Variants in CCNJL observed in about 807,000 individuals in gnomAD.
CCNJL encodes the protein cyclin-J-like protein.
Under a neutral mutation model 33.4 loss-of-function variants are expected in CCNJL, and 33 were observed. The ratio of observed to expected loss-of-function variants is 0.99; its 90% CI spans 0.75 to 1.32. The LOEUF (loss-of-function observed/expected upper bound fraction) is 1.32. CCNJL is among the 40% of genes most tolerant of loss of function. The pLI, the probability that CCNJL is intolerant of heterozygous loss-of-function variation, is 0.00. For missense variants in CCNJL, 512 were observed against 499.7 expected (o/e 1.02, Z -0.23); for synonymous variants, 227 against 220.9 (o/e 1.03, Z -0.24).
In CCNJL at chr5:160,253,785, C is replaced by T. The variant is rs776850524; in HGVS notation, c.757G>A (p.Val253Ile). 8 of 1,515,416 alleles carry T rather than the reference C, an allele frequency of 5.3e-6. No individual in the cohort carries two copies. In the East Asian group the frequency reaches 9.1e-5, roughly 17 times the overall value. The allele number at this position is 1,515,416 out of a possible 1,614,324, so 93.9% of individuals were successfully genotyped here. The stretch of plus-strand genomic sequence containing the variant: ...TTGACGGCTACGGCATCCTTGAGGA[C>T]GTTGTCATACACTCTGAAACGAGAA... ...IEILLVVYDN[V>I]LKDAVAVKSQ... The change falls in exon 6 of 6, where the codon GTC (valine) becomes ATC (isoleucine). Residue 253 changes from valine (V) to isoleucine (I), a missense_variant. Physicochemically the swap from Val to Ile is conservative, Grantham distance 29 (BLOSUM62 3). Coordinates refer to ENST00000257536, the MANE Select transcript of CCNJL (RefSeq NM_001308173.3).
chr5:160,319,004 G>T (rs2113470212), intron 1 of CCNJL, among the ~76,000 whole-genome samples: 1 of 152,286 alleles, frequency 6.6e-6, no homozygotes, highest in Non-Finnish European at 1.5e-5. Flanking sequence ...CAAGTTGAGA[G>T]AGGGCTCCGT....
At chr5:160,321,062 CTTTCTTTCTTTCTTTCTTTCTT>C (rs1264030655) in intron 1 of CCNJL, among the ~76,000 whole-genome samples, 1 of 121,372 alleles carries the variant, frequency 8.2e-6, no homozygotes, top group Non-Finnish European at 1.6e-5. Flanking sequence ...TTCTTTCTTT[CTTTCTTTCTTTCTTTCTTTCTT>C]TCTTTCCTTC....
chr5:160,328,537 G>A (rs564168794), intron 1 of CCNJL, among the ~76,000 whole-genome samples: 2 of 151,522 alleles, frequency 1.3e-5, no homozygotes, highest in African/African-American at 2.4e-5. Context: ...CAGTAAGATC[G>A]TTTGAGCTCA....
intron 2 of CCNJL, among the ~76,000 whole-genome samples, chr5:160,283,179 T>C (rs1391910952): frequency 6.6e-6 from 1 of 151,566 alleles, no homozygotes; most frequent in Non-Finnish European, 1.5e-5. Context: ...TACAACAGAA[T>C]ATTACACATG....
intron 2 of CCNJL, among the ~76,000 whole-genome samples, chr5:160,308,495 C>T (rs936888010): frequency 1.3e-5 from 2 of 152,196 alleles, no homozygotes; most frequent in Admixed American, 6.5e-5. Context: ...CGGTGGCTCA[C>T]GCCTGTAATC....
At chr5:160,307,230 G>A (rs72812291) in intron 2 of CCNJL, among the ~76,000 whole-genome samples, 14,811 of 152,248 alleles carry the variant, frequency 0.097, 798 homozygotes, top group South Asian at 0.2. Flanking sequence ...CTCTGACTCA[G>A]ACACTGGTCT....
intron 3 of CCNJL, among the ~76,000 whole-genome samples, chr5:160,270,796 C>T (rs1761806344): frequency 6.6e-6 from 1 of 152,146 alleles, no homozygotes; most frequent in Non-Finnish European, 1.5e-5. Context: ...CTTTAAACTC[C>T]TCAGAAGGCA....
At chr5:160,318,902 C>T (rs532109782) in intron 1 of CCNJL, among the ~76,000 whole-genome samples, 1 of 152,240 alleles carries the variant, frequency 6.6e-6, no homozygotes, top group Admixed American at 6.5e-5. Flanking sequence ...CTTGCTAATA[C>T]TTTACATTTT....
At chr5:160,307,834 A>G (rs1338785061) in intron 2 of CCNJL, among the ~76,000 whole-genome samples, 1 of 152,162 alleles carries the variant, frequency 6.6e-6, no homozygotes, top group Non-Finnish European at 1.5e-5. Context: ...TTAAGGGCTG[A>G]GCATGGGATA....
Position 160,253,806 on chromosome 5 carries a change from G to A in CCNJL, c.744-8C>T, listed in dbSNP as rs763418490. 18 of 1,497,154 alleles carry A rather than the reference G, an allele frequency of 1.2e-5. No homozygotes were observed. In the South Asian group the frequency reaches 1.3e-4, roughly 11 times the overall value. 92.7% of individuals were successfully genotyped at this position (1,497,154 alleles called of 1,614,324 possible). On this transcript the variant is annotated splice_polypyrimidine_tract_variant and splice_region_variant and intron_variant, in intron 5 of 5. Coordinates refer to ENST00000257536, the MANE Select transcript of CCNJL (RefSeq NM_001308173.3). ...AGGACGTTGTCATACACTCTGAAAC[G>A]AGAAGACCTGGGTGAGAACTGGAGG...
intron 4 of CCNJL, among the ~76,000 whole-genome samples, chr5:160,257,135 G>GT (rs1761099923): frequency 6.6e-6 from 1 of 151,950 alleles, no homozygotes; most frequent in Admixed American, 6.6e-5. Flanking sequence ...AATCCCAGGA[G>GT]TTTGAGACGA....
At chr5:160,339,366 A>C (rs1215481676) in intron 1 of CCNJL, 5 of 325,572 alleles carry the variant, frequency 1.5e-5, no homozygotes, top group Admixed American at 4.3e-5. Flanking sequence ...AAACAAAAAA[A>C]AAAAACAAAA....
chr5:160,303,722 GTGTGTC>G (rs57495045), intron 2 of CCNJL, among the ~76,000 whole-genome samples: 22,820 of 95,960 alleles, frequency 0.24, 1,866 homozygotes, highest in South Asian at 0.29. Context: ...GTGTGTGTGT[GTGTGTC>G]TGTGTGTGTG....
chr5:160,286,987 A>C (rs917280771), intron 2 of CCNJL, among the ~76,000 whole-genome samples: 6 of 152,226 alleles, frequency 3.9e-5, no homozygotes, highest in African/African-American at 1.4e-4. Flanking sequence ...CGAATAAGAA[A>C]GAATAAATAC....
chr5:160,324,800 C>T (rs1581021323), intron 1 of CCNJL, among the ~76,000 whole-genome samples: 4 of 152,250 alleles, frequency 2.6e-5, no homozygotes, highest in African/African-American at 9.6e-5. Context: ...TGTCCTTTAC[C>T]AATCTTTCTG....
intron 3 of CCNJL, among the ~76,000 whole-genome samples, chr5:160,262,484 G>A (rs1164349348): frequency 1.3e-5 from 2 of 152,320 alleles, no homozygotes; most frequent in African/African-American, 2.4e-5. Context: ...GGACCTACGA[G>A]CACTAAACTC....
intron 3 of CCNJL, among the ~76,000 whole-genome samples, chr5:160,265,871 A>G (rs886758177): frequency 1.3e-5 from 2 of 152,074 alleles, no homozygotes; most frequent in African/African-American, 4.8e-5. Context: ...AAAAAAAAAA[A>G]AAAAAGAAAA....
At chr5:160,257,323 A>C (rs1023016350) in intron 4 of CCNJL, among the ~76,000 whole-genome samples, 1 of 151,740 alleles carries the variant, frequency 6.6e-6, no homozygotes, top group African/African-American at 2.4e-5. Context: ...AAAATACAAA[A>C]AATTAGCCAG....
chr5:160,265,031 A>C (rs1322603016), intron 3 of CCNJL, among the ~76,000 whole-genome samples: 3 of 152,228 alleles, frequency 2.0e-5, no homozygotes, highest in Non-Finnish European at 4.4e-5. Flanking sequence ...CTGCCTTTAA[A>C]AAAGCCCGAA....
Sources: gnomAD v4.1 joint callset for allele counts (sites outside exome capture counted in the v4.1 genomes callset) on GRCh38, gnomAD v4.1.1 for gene constraint, MANE v1.5 for transcripts, NCBI Gene and HGNC (gene_info 2026-07-23, HGNC 2026-07-21) for gene names.